The following SMOC1 variants were observed in gnomAD, a reference collection of about 807,000 sequenced individuals.
The protein encoded by SMOC1 is SPARC related modular calcium binding 1.
In SMOC1, 22 loss-of-function variants were observed where a neutral mutation model predicts 56.3. The ratio of observed to expected loss-of-function variants is 0.39; its 90% CI spans 0.28 to 0.56. The LOEUF (loss-of-function observed/expected upper bound fraction) is 0.56. Among genes scored for constraint, SMOC1 ranks in the 20% least tolerant of loss-of-function variants. SMOC1 has a pLI of 0.61. For missense variants in SMOC1, 509 were observed against 565.4 expected (o/e 0.90, Z 1.01); for synonymous variants, 193 against 215.0 (o/e 0.90, Z 0.89).
rs540814162 is a variant in SMOC1 at position 69,990,659 on chromosome 14, G to A, written c.527-1758G>A. Among the ~76,000 whole-genome samples the A allele has an allele frequency of 2.6e-5, 4 of 152,312 alleles. No homozygotes were observed. In the East Asian group the frequency reaches 7.7e-4, roughly 29 times the overall value. ...AAATGACATTGTGTGGCTCTGTTCTGTGTTTATTCTCCCTCAAAGACTTCC... is the reference window on the plus strand; with the variant it reads ...AAATGACATTGTGTGGCTCTGTTCTATGTTTATTCTCCCTCAAAGACTTCC... On this transcript the variant is annotated intron_variant, in intron 5 of 11. Coordinates refer to ENST00000361956, the MANE Select transcript of SMOC1 (RefSeq NM_001034852.3).
rs562451709 is a variant in SMOC1 at position 69,973,391 on chromosome 14, C to T, written c.379-2324C>T. Among the ~76,000 whole-genome samples the T allele has an allele frequency of 7.9e-5, 12 of 152,346 alleles. No individual in the cohort carries two copies. In the East Asian group the frequency reaches 2.1e-3, roughly 27 times the overall value. ...TTATAGATGGGCTCAAAGAGCTGAG[C>T]GATGTATCTAGTTCATAACTGGCTG... On this transcript the variant is annotated intron_variant, in intron 3 of 11. Coordinates refer to ENST00000361956, the MANE Select transcript of SMOC1 (RefSeq NM_001034852.3).
intron 1 of SMOC1, among the ~76,000 whole-genome samples, chr14:69,904,462 C>G (rs1884353638): frequency 6.6e-6 from 1 of 152,226 alleles, no homozygotes; most frequent in Non-Finnish European, 1.5e-5. Flanking sequence ...AGCACATGCC[C>G]TTAAGGGAAG....
intron 1 of SMOC1, among the ~76,000 whole-genome samples, chr14:69,933,666 C>T (rs1222768385): frequency 6.6e-6 from 1 of 152,042 alleles, no homozygotes; most frequent in Non-Finnish European, 1.5e-5. Context: ...TACAGGTGCA[C>T]ACCACCACGC....
intron 4 of SMOC1, 143 bp downstream of exon 4, chr14:69,975,957 T>G (rs1410384252): frequency 1.5e-6 from 1 of 686,270 alleles, no homozygotes; most frequent in African/African-American, 1.8e-5. Flanking sequence ...TACTCTAACA[T>G]GCTTGCTCGG....
chr14:70,023,177 G>T (rs750821594), intron 10 of SMOC1, 26 bp from the exon 11 acceptor site: 1 of 1,613,778 alleles, frequency 6.2e-7, no homozygotes. Context: ...TGTTCTCTGC[G>T]GTGGGGGTGT....
chr14:69,901,862 C>T (rs1884249829), intron 1 of SMOC1, among the ~76,000 whole-genome samples: 2 of 152,206 alleles, frequency 1.3e-5, no homozygotes, highest in Admixed American at 1.3e-4. Context: ...TTTGCCTTGT[C>T]ACCATCTTGA....
intron 7 of SMOC1, among the ~76,000 whole-genome samples, chr14:69,995,145 C>T: frequency 6.6e-6 from 1 of 152,206 alleles, no homozygotes; most frequent in East Asian, 1.9e-4. Flanking sequence ...ATGCGAAATA[C>T]CACTCTGCAT....
intron 1 of SMOC1, among the ~76,000 whole-genome samples, chr14:69,891,574 T>C (rs1302901579): frequency 6.6e-6 from 1 of 152,084 alleles, no homozygotes. Context: ...CTGAACTGCA[T>C]CTGCTGGCGT....
intron 1 of SMOC1, among the ~76,000 whole-genome samples, chr14:69,903,332 CT>C (rs946268241): frequency 5.9e-5 from 9 of 152,170 alleles, no homozygotes; most frequent in African/African-American, 1.9e-4. Flanking sequence ...TGAGGAGCCC[CT>C]CCGCCCGGCA....
chr14:69,999,013 TG>T (rs1304687927), intron 7 of SMOC1, among the ~76,000 whole-genome samples: 1 of 152,164 alleles, frequency 6.6e-6, no homozygotes, highest in East Asian at 1.9e-4. Context: ...GAGCAGCTCA[TG>T]GTGACTCTGC....
intron 3 of SMOC1, among the ~76,000 whole-genome samples, chr14:69,953,994 T>C (rs758623100): frequency 1.6e-5 from 2 of 125,958 alleles, no homozygotes; most frequent in African/African-American, 3.4e-5. Context: ...AAGTGTACTA[T>C]GGTTCTTGGA....
At chr14:69,882,677 C>T (rs922606441) in intron 1 of SMOC1, among the ~76,000 whole-genome samples, 21 of 152,162 alleles carry the variant, frequency 1.4e-4, no homozygotes, top group Non-Finnish European at 7.4e-5. Context: ...GGGGCTCTCC[C>T]TGGCTGATGG....
chr14:69,886,196 G>A, intron 1 of SMOC1: 2 of 824,266 alleles, frequency 2.4e-6, no homozygotes, highest in East Asian at 5.2e-5. Flanking sequence ...TGGTCCACTT[G>A]TATTCTAACT....
intron 7 of SMOC1, among the ~76,000 whole-genome samples, chr14:69,999,757 A>G (rs1245135498): frequency 6.6e-6 from 1 of 152,032 alleles, no homozygotes; most frequent in Non-Finnish European, 1.5e-5. Context: ...AGCAATAAAC[A>G]CACTTGGAGG....
intron 1 of SMOC1, chr14:69,885,605 AC>A: frequency 6.6e-7 from 1 of 1,521,234 alleles, no homozygotes; most frequent in Non-Finnish European, 9.0e-7. Flanking sequence ...GCAGTAAGGG[AC>A]CCCCATTTTA....
At chr14:69,984,580 C>T (rs1467372043) in intron 5 of SMOC1, among the ~76,000 whole-genome samples, 2 of 151,742 alleles carry the variant, frequency 1.3e-5, no homozygotes, top group Non-Finnish European at 2.9e-5. Context: ...TGGTGGCTCA[C>T]ACCTGTAATC....
At position 69,879,526 on chromosome 14, in the gene SMOC1, T is replaced by C; in HGVS notation, c.-153T>C. Reference sequence around the variant, plus strand: ...CTGCGCGGTTCATGACTGTGTCCCCTGACCGCAGCCTCTGCGAGCCCCCGC... The same window carrying C: ...CTGCGCGGTTCATGACTGTGTCCCCCGACCGCAGCCTCTGCGAGCCCCCGC... On this transcript the variant is annotated 5_prime_UTR_variant, in exon 1 of 12. Coordinates refer to ENST00000361956, the MANE Select transcript of SMOC1 (RefSeq NM_001034852.3). The C allele has an allele frequency of 3.9e-6, 2 of 514,302 alleles. No individual in the cohort carries two copies. The highest frequency in any genetic ancestry group is 6.3e-6 in the Non-Finnish European group (2 of 317,386). 31.9% of individuals were successfully genotyped at this position (514,302 alleles called of 1,614,324 possible). A position where few individuals can be genotyped will look rare whatever the true frequency, so the allele number is the denominator to read the frequency against.
chr14:70,014,632 C>T (rs561631903), intron 10 of SMOC1, among the ~76,000 whole-genome samples: 2 of 152,288 alleles, frequency 1.3e-5, no homozygotes, highest in Admixed American at 6.5e-5. Context: ...TCTGCTCATG[C>T]TCATGAAGCC....
At chr14:69,908,927 T>C (rs1884483407) in intron 1 of SMOC1, among the ~76,000 whole-genome samples, 1 of 152,170 alleles carries the variant, frequency 6.6e-6, no homozygotes, top group South Asian at 2.1e-4. Flanking sequence ...GGAAGAACTG[T>C]ATTCTCCCAA....
Sources: gnomAD v4.1 joint callset for allele counts (sites outside exome capture counted in the v4.1 genomes callset) on GRCh38, gnomAD v4.1.1 for gene constraint, MANE v1.5 for transcripts, NCBI Gene and HGNC (gene_info 2026-07-23, HGNC 2026-07-21) for gene names.